The following ZNF740 variants were observed in gnomAD, a reference collection of about 807,000 sequenced individuals.
ZNF740 encodes the protein zinc finger protein 740, also known as oriLyt TD-element-binding protein 7.
A neutral mutation model predicts 24.8 loss-of-function variants in ZNF740; 14 were observed. The ratio of observed to expected loss-of-function variants is 0.56; its 90% CI spans 0.37 to 0.88. ZNF740 has a LOEUF of 0.88. Among genes scored for constraint, ZNF740 ranks in the 40% least tolerant of loss-of-function variants. ZNF740 has a pLI of 0.00. For synonymous variants in ZNF740, 69 were observed against 84.0 expected, an observed-to-expected ratio of 0.82 and a Z score of 0.98; for missense variants, 201 against 247.9, an observed-to-expected ratio of 0.81 and a Z score of 1.27.
intron 5 of ZNF740, 36 bp downstream of exon 5, chr12:53,186,113 A>G (rs1382195676): frequency 3.3e-5 from 53 of 1,598,468 alleles, no homozygotes; most frequent in Non-Finnish European, 4.5e-5. Flanking sequence ...GGGGGAGAAT[A>G]GTCTATCGCT....
rs149509160 is a variant in ZNF740 at position 53,191,260 on chromosome 12, G to T, written c.*3670G>T. The T allele has an allele frequency of 2.1e-5, 8 of 388,226 alleles. No homozygotes were observed. Among genetic ancestry groups the T allele is most frequent in the Non-Finnish European group, 3.4e-5 (7 of 204,826 alleles). 24.0% of individuals were successfully genotyped at this position (388,226 alleles called of 1,614,324 possible). A position where few individuals can be genotyped will look rare whatever the true frequency, so the allele number is the denominator to read the frequency against. On this transcript the variant is annotated 3_prime_UTR_variant, in exon 7 of 7. Coordinates refer to ENST00000416904, the MANE Select transcript of ZNF740 (RefSeq NM_001004304.4). ...GAGGAGGATGGACAAGAGCTTTCCC[G>T]AGGCCCAGGCTATAAACAGTCTGCT...
At chr12:53,185,864 T>G (rs1442233919) in intron 4 of ZNF740, 90 bp from the exon 5 acceptor site, 2 of 1,522,238 alleles carry the variant, frequency 1.3e-6, no homozygotes, top group Non-Finnish European at 1.8e-6. Context: ...GGTTCCTTTC[T>G]CCAACAGCTG....
In ZNF740 at chr12:53,181,818, C is replaced by A; in HGVS notation, c.-166C>A. The A allele has an allele frequency of 1.2e-6, 1 of 829,938 alleles. No individual in the cohort carries two copies. The highest frequency in any genetic ancestry group is 1.9e-6 in the Non-Finnish European group (1 of 530,278). 51.4% of individuals were successfully genotyped at this position (829,938 alleles called of 1,614,324 possible). On this transcript the variant is annotated 5_prime_UTR_variant, in exon 2 of 7. Transcript: ENST00000416904. ...GAACACCTATCTTTTCTTCGGAGGACACTAAGTTCTATTTGAAGACAAAGT... is the reference window on the plus strand; with the variant it reads ...GAACACCTATCTTTTCTTCGGAGGAAACTAAGTTCTATTTGAAGACAAAGT...
In ZNF740 at chr12:53,189,871, T is replaced by A. The variant is rs1036953944; in HGVS notation, c.*2281T>A. 2.6e-5 allele frequency: 4 copies of A among 152,226 alleles called. No individual in the cohort carries two copies. Among genetic ancestry groups the A allele is most frequent in the Non-Finnish European group, 5.9e-5 (4 of 68,052 alleles). The allele number at this position is 152,226 out of a possible 1,614,324, so 9.4% of individuals were successfully genotyped here. On this transcript the variant is annotated 3_prime_UTR_variant, in exon 7 of 7. Transcript: ENST00000416904. Reference sequence around the variant, plus strand: ...TGCTTTTGAAAATGAGAGCCCTCTGTCCCTGCCACTTACAGCTAGTCTCTT... The same window carrying A: ...TGCTTTTGAAAATGAGAGCCCTCTGACCCTGCCACTTACAGCTAGTCTCTT...
intron 2 of ZNF740, 170 bp downstream of exon 2, chr12:53,182,162 T>G: frequency 5.7e-6 from 5 of 883,640 alleles, no homozygotes; most frequent in Non-Finnish European, 8.6e-6. Flanking sequence ...AGCCCCTGCC[T>G]TCAGGGAGCT....
In ZNF740 at chr12:53,193,667, T is replaced by TG. The variant is rs764266522; in HGVS notation, c.*6078dup. 149 of 1,555,416 alleles carry TG rather than the reference T, an allele frequency of 9.6e-5. No homozygotes were observed. Among genetic ancestry groups the TG allele is most frequent in the Non-Finnish European group, 1.2e-4 (136 of 1,143,696 alleles). ...GGAATACGGGCCAGGGTTGGTTGGT[T>TG]GTTGGGAGCCAGGTGGTTGAAGGGA... On this transcript the variant is annotated 3_prime_UTR_variant, in exon 7 of 7. Transcript: ENST00000416904.
At position 53,191,834 on chromosome 12, in the gene ZNF740, G is replaced by T. The variant is rs371095321; in HGVS notation, c.*4244G>T. On this transcript the variant is annotated 3_prime_UTR_variant, in exon 7 of 7. Transcript: ENST00000416904. ...TTGTGGTGGGGGAACAGCTAAAAAG[G>T]GGCCTAACCAGGAAGTCTCCTCACC... 1.2e-6 allele frequency: 2 copies of T among 1,613,332 alleles called. No homozygotes were observed. The highest frequency in any genetic ancestry group is 1.7e-6 in the Non-Finnish European group (2 of 1,179,818).
In ZNF740 at chr12:53,189,767, C is replaced by T. The variant is rs1031256258; in HGVS notation, c.*2177C>T. 5 of 152,174 alleles carry T rather than the reference C, an allele frequency of 3.3e-5. No individual in the cohort carries two copies. Among genetic ancestry groups the T allele is most frequent in the African/African-American group, 1.2e-4 (5 of 41,412 alleles). The allele number at this position is 152,174 out of a possible 1,614,324, so 9.4% of individuals were successfully genotyped here. ...GGATCTGGGCTTTTCCTGTCCTTCA[C>T]TTCTGGGATGATTCACCCCACATCT... is the stretch of plus-strand genomic sequence containing the variant. On this transcript the variant is annotated 3_prime_UTR_variant, in exon 7 of 7. Transcript: ENST00000416904.
Position 53,191,209 on chromosome 12 carries a change from C to T in ZNF740, c.*3619C>T. The T allele has an allele frequency of 3.2e-6, 1 of 311,674 alleles. No homozygotes were observed. The highest frequency in any genetic ancestry group is 3.3e-5 in the South Asian group (1 of 30,426). The allele number at this position is 311,674 out of a possible 1,614,324, so 19.3% of individuals were successfully genotyped here. Reference sequence around the variant, plus strand: ...AGTTTCCTGCACATTCGCGCTTGGGCACCTCTCCCTGCCCTCAGGTGGCAA... The same window carrying T: ...AGTTTCCTGCACATTCGCGCTTGGGTACCTCTCCCTGCCCTCAGGTGGCAA... On this transcript the variant is annotated 3_prime_UTR_variant, in exon 7 of 7. Coordinates refer to ENST00000416904, the MANE Select transcript of ZNF740 (RefSeq NM_001004304.4).
At position 53,193,039 on chromosome 12, in the gene ZNF740, G is replaced by C. The variant is rs149135939; in HGVS notation, c.*5449G>C. The C allele has an allele frequency of 1.5e-6, 2 of 1,374,696 alleles. No individual in the cohort carries two copies. The highest frequency in any genetic ancestry group is 2.0e-6 in the Non-Finnish European group (2 of 989,836). 85.2% of individuals were successfully genotyped at this position (1,374,696 alleles called of 1,614,324 possible). The stretch of plus-strand genomic sequence containing the variant: ...ACCACACCCTCTAACCCATACACCG[G>C]AATCTTTTGATATTTGCCTTCCATG... On this transcript the variant is annotated 3_prime_UTR_variant, in exon 7 of 7. Transcript: ENST00000416904.
Position 53,181,870 on chromosome 12 carries a change from C to A in ZNF740, c.-114C>A. 1.5e-6 allele frequency: 2 copies of A among 1,336,772 alleles called. No homozygotes were observed. Among genetic ancestry groups the A allele is most frequent in the Non-Finnish European group, 2.1e-6 (2 of 956,296 alleles). The allele number at this position is 1,336,772 out of a possible 1,614,324, so 82.8% of individuals were successfully genotyped here. On this transcript the variant is annotated 5_prime_UTR_variant, in exon 2 of 7. Coordinates refer to ENST00000416904, the MANE Select transcript of ZNF740 (RefSeq NM_001004304.4). ...CAATATGGCAACAGGACTGATGGGA[C>A]ACGAAGGAGTCGCTACCGTGATTTG...
chr12:53,194,163 C>G lies in ZNF740; in HGVS notation c.*6573C>G, dbSNP rs1419077389. The G allele has an allele frequency of 1.2e-5, 19 of 1,612,728 alleles. No individual in the cohort carries two copies. The highest frequency in any genetic ancestry group is 3.3e-5 in the Admixed American group (2 of 59,970). On this transcript the variant is annotated 3_prime_UTR_variant, in exon 7 of 7. Transcript: ENST00000416904. ...CTTAATTTCCCACTCCCACCTCCCC[C>G]TGCCCGCCTTCTGCCTGTGCTTGCT...
chr12:53,194,229 C>T lies in ZNF740; in HGVS notation c.*6639C>T, dbSNP rs762314487. The T allele has an allele frequency of 6.2e-7, 1 of 1,613,976 alleles. No individual in the cohort carries two copies. Among genetic ancestry groups the T allele is most frequent in the African/African-American group, 1.3e-5 (1 of 74,880 alleles). ...GTTGATTCGGACGTGGTTGCACTGTCCTCGATCCTCAGCCTTACCCTCCCT... is the reference window on the plus strand; with the variant it reads ...GTTGATTCGGACGTGGTTGCACTGTTCTCGATCCTCAGCCTTACCCTCCCT... On this transcript the variant is annotated 3_prime_UTR_variant, in exon 7 of 7. Transcript: ENST00000416904.
Position 53,191,810 on chromosome 12 carries a change from TGTG to T in ZNF740, c.*4225_*4227del, listed in dbSNP as rs759781483. The T allele has an allele frequency of 5.6e-5, 90 of 1,609,346 alleles. No homozygotes were observed. Among genetic ancestry groups the T allele is most frequent in the Middle Eastern group, 1.6e-4 (1 of 6,072 alleles). On this transcript the variant is annotated 3_prime_UTR_variant, in exon 7 of 7. Coordinates refer to ENST00000416904, the MANE Select transcript of ZNF740 (RefSeq NM_001004304.4). Reference sequence around the variant, plus strand: ...CAGTGGGAGGAATCAGGGCTGGTCTTGTGGTGGGGGAACAGCTAAAAAGGGGCC... The same window carrying T: ...CAGTGGGAGGAATCAGGGCTGGTCTTGTGGGGGAACAGCTAAAAAGGGGCC...
rs527780939 is a variant in ZNF740, at chr12:53,191,057, G to A, written c.*3467G>A. The A allele has an allele frequency of 3.7e-5, 7 of 190,288 alleles. No individual in the cohort carries two copies. In the East Asian group the frequency reaches 8.6e-4, roughly 23 times the overall value. 11.8% of individuals were successfully genotyped at this position (190,288 alleles called of 1,614,324 possible). A position where few individuals can be genotyped will look rare whatever the true frequency, so the allele number is the denominator to read the frequency against. On this transcript the variant is annotated 3_prime_UTR_variant, in exon 7 of 7. Coordinates refer to ENST00000416904, the MANE Select transcript of ZNF740 (RefSeq NM_001004304.4). The stretch of plus-strand genomic sequence containing the variant: ...CAAGACGAAAAAGCACACGCAGCAG[G>A]ACGGAAGGAGGCTAGACACCAACAG...
rs781024750 is a variant in ZNF740 at position 53,192,280 on chromosome 12, A to C, written c.*4690A>C. 6.4e-7 allele frequency: 1 copy of C among 1,572,234 alleles called. No homozygotes were observed. The highest frequency in any genetic ancestry group is 8.7e-7 in the Non-Finnish European group (1 of 1,144,160). ...TCTTCACTCTGCATCCCCAGAGTTG[A>C]GACCCTGCCCATCAAACTTCCAGGG... On this transcript the variant is annotated 3_prime_UTR_variant, in exon 7 of 7. Coordinates refer to ENST00000416904, the MANE Select transcript of ZNF740 (RefSeq NM_001004304.4).
chr12:53,182,103 G>C, intron 2 of ZNF740, 111 bp downstream of exon 2: 1 of 1,450,370 alleles, frequency 6.9e-7, no homozygotes, highest in Admixed American at 2.1e-5. Context: ...TCCAAGCTCT[G>C]TATTAAGCAC....
At chr12:53,184,774 A>G in intron 2 of ZNF740, 117 bp from the exon 3 acceptor site, 1 of 1,238,712 alleles carries the variant, frequency 8.1e-7, no homozygotes, top group Non-Finnish European at 1.1e-6. Context: ...GAGGAGGGAC[A>G]TTCCCTGGAG....
chr12:53,182,129 A>AG (rs1265452839), intron 2 of ZNF740, 137 bp downstream of exon 2: 65 of 1,263,226 alleles, frequency 5.1e-5, no homozygotes, highest in Non-Finnish European at 6.8e-5. Context: ...GGAGATCTAG[A>AG]GGAAGGAAAG....
Sources: allele counts gnomAD v4.1 joint callset, GRCh38; gene constraint gnomAD v4.1.1; transcripts MANE v1.5; gene names NCBI Gene and HGNC (gene_info 2026-07-23, HGNC 2026-07-21).